The following DTNA variants were observed in gnomAD, a reference collection of about 807,000 sequenced individuals.
The protein encoded by DTNA is dystrobrevin alpha.
In DTNA, 43 loss-of-function variants were observed where a neutral mutation model predicts 100.7. That is an observed-to-expected ratio of 0.43 (90% CI 0.33 to 0.55). The LOEUF (loss-of-function observed/expected upper bound fraction) is 0.55. DTNA is among the 20% of genes least tolerant of loss of function. The pLI is 0.04. For missense variants in DTNA, 798 were observed against 953.9 expected, an observed-to-expected ratio of 0.84 and a Z score of 2.15; for synonymous variants, 349 against 347.9, an observed-to-expected ratio of 1.00 and a Z score of -0.04.
intron 1 of DTNA, among the ~76,000 whole-genome samples, chr18:34,554,996 A>G (rs929434002): frequency 2.4e-5 from 3 of 127,404 alleles, no homozygotes; most frequent in African/African-American, 9.6e-5. Flanking sequence ...CTGTGAATCC[A>G]TCTGGTCCTG....
intron 1 of DTNA, among the ~76,000 whole-genome samples, chr18:34,689,253 A>G (rs1051861463): frequency 6.6e-6 from 1 of 152,012 alleles, no homozygotes; most frequent in African/African-American, 2.4e-5. Flanking sequence ...GCCTTTTTGC[A>G]CTGGTTTTTC....
chr18:34,796,948 A>C (rs940515871), intron 4 of DTNA, among the ~76,000 whole-genome samples: 2 of 152,182 alleles, frequency 1.3e-5, no homozygotes, highest in South Asian at 2.1e-4. Flanking sequence ...CACCAAAAAA[A>C]CATCCGGATC....
At chr18:34,850,272 C>A (rs1001414360) in intron 14 of DTNA, among the ~76,000 whole-genome samples, 3 of 152,178 alleles carry the variant, frequency 2.0e-5, no homozygotes, top group African/African-American at 7.2e-5. Flanking sequence ...CTGAAATTCA[C>A]AACTGGCTCA....
In DTNA at chr18:34,848,393, T is replaced by C; in HGVS notation, c.1434+10T>C. On this transcript the variant is annotated intron_variant, in intron 14 of 22. Coordinates refer to ENST00000444659, the MANE Select transcript of DTNA (RefSeq NM_001386795.1). ...AGAGTCCTCTTCGTCTGTAAGTAGT[T>C]GGAGTAAAAGGATTCGTCTGTTGGC... 2.5e-6 allele frequency: 4 copies of C among 1,613,790 alleles called. No homozygotes were observed. The highest frequency in any genetic ancestry group is 3.4e-6 in the Non-Finnish European group (4 of 1,179,802).
chr18:34,653,400 T>C (rs188700275), intron 1 of DTNA, among the ~76,000 whole-genome samples: 1 of 152,228 alleles, frequency 6.6e-6, no homozygotes, highest in East Asian at 1.9e-4. Context: ...TCATAGTGAC[T>C]ACTAGAATTG....
intron 1 of DTNA, among the ~76,000 whole-genome samples, chr18:34,692,443 C>A (rs2145890722): frequency 6.6e-6 from 1 of 152,250 alleles, no homozygotes; most frequent in South Asian, 2.1e-4. Context: ...TGTTGTATTT[C>A]TGGTAAGTGG....
chr18:34,675,423 A>G lies in DTNA; in HGVS notation c.-1-80553A>G, dbSNP rs1282221491. ...TTGAATAATAATGAAAGTAGCTAAA[A>G]TTTCTGCTTGGATTCCTTATATTTT... On this transcript the variant is annotated intron_variant, in intron 1 of 19. Transcript: ENST00000283365. 2.6e-5 allele frequency among the ~76,000 whole-genome samples: 4 copies of G among 152,142 alleles called. No individual in the cohort carries two copies. The East Asian group carries it at 7.7e-4, about 29-fold the overall frequency.
At chr18:34,835,292 C>T (rs536752465) in intron 11 of DTNA, among the ~76,000 whole-genome samples, 10 of 152,236 alleles carry the variant, frequency 6.6e-5, no homozygotes, top group African/African-American at 1.4e-4. Context: ...TGTATGTTCA[C>T]GGTGTAACTC....
chr18:34,848,317 G>C lies in DTNA; in HGVS notation c.1368G>C (p.Arg456=). ...ATAGCATGCTTGAGAGTTCAAACCG[G>C]CTTGATGAAGAACACAGGCTAATTG... The part of the protein sequence containing the change: ...NPSCMLESSN[R]LDEEHRLIAR... Residue 456 remains arginine (R), a synonymous_variant, in exon 14 of 23, where the codon CGG becomes CGC. Transcript: ENST00000444659. The C allele has an allele frequency of 1.2e-6, 2 of 1,614,008 alleles. No individual in the cohort carries two copies. Among genetic ancestry groups the C allele is most frequent in the Non-Finnish European group, 1.7e-6 (2 of 1,179,946 alleles).
chr18:34,845,414 T>C (rs1008118829), intron 13 of DTNA, among the ~76,000 whole-genome samples: 3 of 152,164 alleles, frequency 2.0e-5, no homozygotes, highest in African/African-American at 7.2e-5. Context: ...CACTAGCTAG[T>C]CATTCATTTT....
chr18:34,590,269 T>A (rs2049579226), intron 1 of DTNA, among the ~76,000 whole-genome samples: 2 of 152,240 alleles, frequency 1.3e-5, no homozygotes, highest in African/African-American at 4.8e-5. Flanking sequence ...TCTTGGGCAG[T>A]ATCTATTTTA....
intron 1 of DTNA, among the ~76,000 whole-genome samples, chr18:34,555,237 T>A (rs2045901636): frequency 6.9e-6 from 1 of 145,466 alleles, no homozygotes; most frequent in African/African-American, 2.6e-5. Context: ...TTTATCATTT[T>A]TTATTGTGTC....
At chr18:34,585,332 A>G (rs1182731082) in intron 1 of DTNA, among the ~76,000 whole-genome samples, 1 of 152,212 alleles carries the variant, frequency 6.6e-6, no homozygotes, top group Non-Finnish European at 1.5e-5. Flanking sequence ...AGTTTGAGGA[A>G]ATATAAGATG....
intron 1 of DTNA, among the ~76,000 whole-genome samples, chr18:34,624,418 TTAAGTAAAGATCTGACAGCACAACTCAC>T (rs1272136781): frequency 8.3e-4 from 126 of 152,328 alleles, no homozygotes; most frequent in African/African-American, 3.0e-3. Flanking sequence ...CAACTGCCCC[TTAAGTAAAGATCTGACAGCACAACTCAC>T]TAACTTACAT....
At chr18:34,536,616 G>A (rs2510194) in intron 1 of DTNA, among the ~76,000 whole-genome samples, 137,042 of 151,904 alleles carry the variant, frequency 0.9, 61,837 homozygotes, top group Middle Eastern at 0.95. Context: ...TTACTATAAT[G>A]TAAAGACATC....
chr18:34,641,779 T>C (rs937441197), intron 1 of DTNA, among the ~76,000 whole-genome samples: 1 of 152,158 alleles, frequency 6.6e-6, no homozygotes, highest in Non-Finnish European at 1.5e-5. Context: ...TAAGTTGATA[T>C]AAGGACTTCA....
intron 1 of DTNA, among the ~76,000 whole-genome samples, chr18:34,752,027 C>T (rs1601432826): frequency 6.6e-6 from 1 of 152,316 alleles, no homozygotes; most frequent in South Asian, 2.1e-4. Flanking sequence ...TGACAGGGCT[C>T]ATCACTTATT....
chr18:34,744,726 C>T (rs1274939789), intron 1 of DTNA, among the ~76,000 whole-genome samples: 1 of 152,160 alleles, frequency 6.6e-6, no homozygotes, highest in Non-Finnish European at 1.5e-5. Context: ...AACCCGTGAA[C>T]TCCATCCTGC....
chr18:34,578,248 T>C (rs2048304024), intron 1 of DTNA, among the ~76,000 whole-genome samples: 1 of 152,212 alleles, frequency 6.6e-6, no homozygotes, highest in South Asian at 2.1e-4. Flanking sequence ...TTTTTACATA[T>C]GTTTGTTGGC....
Sources: gnomAD v4.1 joint callset for allele counts (sites outside exome capture counted in the v4.1 genomes callset) on GRCh38, gnomAD v4.1.1 for gene constraint, MANE v1.5 for transcripts, NCBI Gene and HGNC (gene_info 2026-07-23, HGNC 2026-07-21) for gene names.